SUSD3: variants seen among roughly 807,000 people sequenced by gnomAD.
SUSD3 encodes the protein sushi domain-containing protein 3.
SUSD3 carries 18 observed loss-of-function variants against 20.6 expected under a neutral mutation model. The ratio of observed to expected loss-of-function variants is 0.87; its 90% CI spans 0.60 to 1.30. The LOEUF (loss-of-function observed/expected upper bound fraction) is 1.30. SUSD3 is among the 50% of genes most tolerant of loss of function. SUSD3 has a pLI of 0.00. For synonymous variants in SUSD3, 137 were observed against 141.5 expected, an observed-to-expected ratio of 0.97 and a Z score of 0.23; for missense variants, 306 against 346.9, an observed-to-expected ratio of 0.88 and a Z score of 0.94.
At chr9:93,081,432 C>T (rs1164407530) in intron 4 of SUSD3, among the ~76,000 whole-genome samples, 1 of 152,210 alleles carries the variant, frequency 6.6e-6, no homozygotes, top group African/African-American at 2.4e-5. Flanking sequence ...TCGGTTTCCT[C>T]ACCTGTAAAG....
chr9:93,078,160 C>T (rs931847997), intron 3 of SUSD3, among the ~76,000 whole-genome samples, 167 bp downstream of exon 3: 1 of 152,266 alleles, frequency 6.6e-6, no homozygotes, highest in Admixed American at 6.5e-5. Context: ...CTGCTCCCGG[C>T]CCACGCAGCA....
Position 93,077,811 on chromosome 9 carries a change from C to T in SUSD3, c.278-35C>T, listed in dbSNP as rs58689823. The T allele has an allele frequency of 0.026, 41,366 of 1,612,678 alleles. 4,296 individuals carry two copies. In the African/African-American group the frequency reaches 0.32, roughly 13 times the overall value. Reference sequence around the variant, plus strand: ...CCTGGGCCAAGCAAATCTGGGCAAACCTCGCCCAGGAGCTGGTGGTTGTCT... The same window carrying T: ...CCTGGGCCAAGCAAATCTGGGCAAATCTCGCCCAGGAGCTGGTGGTTGTCT... On this transcript the variant is annotated intron_variant, in intron 2 of 4. Transcript: ENST00000375472.
chr9:93,062,721 C>T (rs1020345767), intron 1 of SUSD3, among the ~76,000 whole-genome samples: 1 of 151,828 alleles, frequency 6.6e-6, no homozygotes, highest in Admixed American at 6.6e-5. Flanking sequence ...GGCCCTGGGT[C>T]CCCTGGGAGT....
chr9:93,075,958 C>T lies in SUSD3; in HGVS notation c.263C>T (p.Ser88Phe). The change falls in exon 2 of 5, where the codon TCC becomes TTC. Residue 88 changes from serine to phenylalanine, a missense_variant. Physicochemically the swap from Ser to Phe is radical, Grantham distance 155 (BLOSUM62 -2). Transcript: ENST00000375472. ...AGCATCGCTGAGTGGTCTTCAGGGT[C>T]CCCAGTGTGCAAACGTAAGGACCCC... ...KGSIAEWSSG[S>F]PVCKLVPPHE... 6.2e-7 allele frequency: 1 copy of T among 1,604,086 alleles called. No homozygotes were observed. The highest frequency in any genetic ancestry group is 8.5e-7 in the Non-Finnish European group (1 of 1,173,444).
At chr9:93,081,272 G>A (rs1477724830) in intron 4 of SUSD3, among the ~76,000 whole-genome samples, 4 of 152,294 alleles carry the variant, frequency 2.6e-5, no homozygotes, top group Middle Eastern at 3.4e-3. Flanking sequence ...GGAGAACAGC[G>A]CTTAGACACC....
chr9:93,075,751 C>CCCCCCCCCA, intron 1 of SUSD3, 33 bp from the exon 2 acceptor site: 2 of 248,754 alleles, frequency 8.0e-6, no homozygotes, highest in South Asian at 8.7e-5. Context: ...CCCCCCCCCC[C>CCCCCCCCCA]CCGCCATGCC....
intron 4 of SUSD3, among the ~76,000 whole-genome samples, chr9:93,080,730 C>CT (rs1376703015): frequency 2.0e-5 from 3 of 152,264 alleles, no homozygotes; most frequent in African/African-American, 7.2e-5. Flanking sequence ...TCAGCGGCCT[C>CT]TGACTTGTGG....
rs181332211 is a variant in SUSD3, at chr9:93,072,916, G to T, written c.89-2868G>T. On this transcript the variant is annotated intron_variant, in intron 1 of 4. Transcript: ENST00000375472. ...AAGCTACATGGTGAGCAGGTTTGGG[G>T]AGCTCAGAAGCTTGGCTATGTCTCA... Among the ~76,000 whole-genome samples, 866 of 152,248 alleles carry T rather than the reference G, an allele frequency of 5.7e-3. 7 individuals are homozygous for T. Among genetic ancestry groups the T allele is most frequent in the Non-Finnish European group, 8.5e-3 (579 of 68,024 alleles).
rs372222423 is a variant in SUSD3, at chr9:93,084,770, A to G, written c.*23A>G. 3.4e-6 allele frequency: 5 copies of G among 1,461,800 alleles called. No homozygotes were observed. The Admixed American group carries it at 7.4e-5, about 22-fold the overall frequency. The allele number at this position is 1,461,800 out of a possible 1,614,324, so 90.6% of individuals were successfully genotyped here. ...TGACCACGCAGTGAGGCTGGTGCCCATGCTCCACACTGGGAGGCCAGGCTG... is the reference window on the plus strand; with the variant it reads ...TGACCACGCAGTGAGGCTGGTGCCCGTGCTCCACACTGGGAGGCCAGGCTG... On this transcript the variant is annotated 3_prime_UTR_variant, in exon 5 of 5. Coordinates refer to ENST00000375472, the MANE Select transcript of SUSD3 (RefSeq NM_145006.4).
chr9:93,062,039 T>G (rs1024821501), intron 1 of SUSD3, among the ~76,000 whole-genome samples: 2 of 152,186 alleles, frequency 1.3e-5, no homozygotes, highest in Non-Finnish European at 2.9e-5. Context: ...GATAAAAGAT[T>G]AACAAGTACG....
At position 93,075,981 on chromosome 9, in the gene SUSD3, C is replaced by G; in HGVS notation, c.277+9C>G. On this transcript the variant is annotated intron_variant, in intron 2 of 4. Coordinates refer to ENST00000375472, the MANE Select transcript of SUSD3 (RefSeq NM_145006.4). ...GTCCCCAGTGTGCAAACGTAAGGAC[C>G]CCTCTCTCAGCTCGGTGGCTCTGGG... 1.9e-6 allele frequency: 3 copies of G among 1,577,762 alleles called. No homozygotes were observed. The highest frequency in any genetic ancestry group is 2.6e-6 in the Non-Finnish European group (3 of 1,156,092).
At chr9:93,062,163 A>C (rs546868785) in intron 1 of SUSD3, among the ~76,000 whole-genome samples, 326 of 152,328 alleles carry the variant, frequency 2.1e-3, no homozygotes, top group Non-Finnish European at 3.7e-3. Flanking sequence ...CAGCTGCAGC[A>C]GGTGGCCAGG....
At chr9:93,072,988 C>T (rs1326498989) in intron 1 of SUSD3, among the ~76,000 whole-genome samples, 3 of 152,098 alleles carry the variant, frequency 2.0e-5, no homozygotes, top group Non-Finnish European at 2.9e-5. Flanking sequence ...GCACCCAGGG[C>T]ATGGTCCTGG....
chr9:93,063,073 G>A (rs761887496), intron 1 of SUSD3, among the ~76,000 whole-genome samples: 10 of 152,284 alleles, frequency 6.6e-5, no homozygotes, highest in Non-Finnish European at 1.5e-4. Context: ...TCCTCATCTG[G>A]AAAATGGAGC....
intron 1 of SUSD3, among the ~76,000 whole-genome samples, chr9:93,066,853 G>A (rs575991921): frequency 1.3e-5 from 2 of 152,064 alleles, no homozygotes; most frequent in Non-Finnish European, 2.9e-5. Flanking sequence ...GATTACAGGC[G>A]TGCACCACCA....
chr9:93,069,284 TTCAGGCAACTCTCATTTC>T (rs756915818), intron 1 of SUSD3: 3 of 582,634 alleles, frequency 5.1e-6, no homozygotes, highest in Non-Finnish European at 9.3e-6. Context: ...AGTGCTTGTG[TTCAGGCAACTCTCATTTC>T]ACTTAATAAT....
At chr9:93,072,260 A>G (rs1281361790) in intron 1 of SUSD3, among the ~76,000 whole-genome samples, 5 of 151,826 alleles carry the variant, frequency 3.3e-5, no homozygotes, top group East Asian at 3.9e-4. Flanking sequence ...GTCTGCCTCA[A>G]CCCCTCCTGA....
Position 93,084,990 on chromosome 9 carries a change from T to A in SUSD3, c.*243T>A. ...ACGATTTTTATAGTTATGGACTACT[T>A]GAAACCACTACTGAGGGTAATTTAC... On this transcript the variant is annotated 3_prime_UTR_variant, in exon 5 of 5. Coordinates refer to ENST00000375472, the MANE Select transcript of SUSD3 (RefSeq NM_145006.4). 2.6e-6 allele frequency: 1 copy of A among 390,348 alleles called. No homozygotes were observed. Among genetic ancestry groups the A allele is most frequent in the Non-Finnish European group, 4.5e-6 (1 of 220,400 alleles). The allele number at this position is 390,348 out of a possible 1,614,324, so 24.2% of individuals were successfully genotyped here.
chr9:93,075,733 C>CG, intron 1 of SUSD3, 51 bp from the exon 2 acceptor site: 1 of 392,364 alleles, frequency 2.5e-6, no homozygotes, highest in Non-Finnish European at 4.5e-6. Context: ...CCCTGCCCTG[C>CG]GTGCCCACCC....
Sources: gnomAD v4.1 joint callset for allele counts (sites outside exome capture counted in the v4.1 genomes callset) on GRCh38, gnomAD v4.1.1 for gene constraint, MANE v1.5 for transcripts, NCBI Gene and HGNC (gene_info 2026-07-23, HGNC 2026-07-21) for gene names.